The following IQCM variants were observed in gnomAD, a reference collection of about 807,000 sequenced individuals.
IQCM encodes the protein IQ motif containing M, also known as IQ domain-containing protein M.
Under a neutral mutation model 57.6 loss-of-function variants are expected in IQCM, and 45 were observed. That is an observed-to-expected ratio of 0.78 (90% CI 0.62 to 1.00). IQCM has a LOEUF of 1.00. Ranked by LOEUF, IQCM falls within the 50% of genes least tolerant of loss-of-function variation. The probability of loss-of-function intolerance (pLI) is 0.00; values close to 1 mark genes in which losing one functional copy is unlikely to be tolerated. For missense variants in IQCM, 468 were observed against 511.6 expected, an observed-to-expected ratio of 0.91 and a Z score of 0.82; for synonymous variants, 148 against 158.9, an observed-to-expected ratio of 0.93 and a Z score of 0.51.
intron 7 of IQCM, among the ~76,000 whole-genome samples, chr4:149,626,392 C>CATATATATATATATATATATATAT (rs371051488): frequency 0.044 from 5,193 of 119,292 alleles, 342 homozygotes; most frequent in East Asian, 0.13. Flanking sequence ...ACTTAATAAA[C>CATATATATATATATATATATATAT]ATATATATAT....
chr4:149,535,239 C>G (rs1261947166), intron 12 of IQCM, among the ~76,000 whole-genome samples: 1 of 151,944 alleles, frequency 6.6e-6, no homozygotes, highest in African/African-American at 2.4e-5. Flanking sequence ...TAAAAATATC[C>G]TTAATACTAT....
rs1377465377 is a variant in IQCM at position 149,661,018 on chromosome 4, TA to T, written c.565+21099del. ...TAAAACAAAAATAAAAAACTAAAAA[TA>T]AAAAAATAAAGATAAATGGGTATCT... On this transcript the variant is annotated intron_variant, in intron 7 of 13. Transcript: ENST00000636793. Among the ~76,000 whole-genome samples the T allele has an allele frequency of 2.6e-5, 4 of 151,996 alleles. No individual in the cohort carries two copies. In the East Asian group the frequency reaches 7.7e-4, roughly 29 times the overall value.
At chr4:149,459,284 C>G (rs1249843987) in intron 12 of IQCM, among the ~76,000 whole-genome samples, 1 of 152,226 alleles carries the variant, frequency 6.6e-6, no homozygotes, top group African/African-American at 2.4e-5. Context: ...AGATGTGTCT[C>G]TCAGCCATTC....
At chr4:149,595,605 G>T (rs1340517339) in intron 8 of IQCM, among the ~76,000 whole-genome samples, 1 of 152,098 alleles carries the variant, frequency 6.6e-6, no homozygotes, top group Non-Finnish European at 1.5e-5. Context: ...TGAAATAGCA[G>T]TGGGCTGCAT....
chr4:149,468,955 C>A (rs1275090512), intron 12 of IQCM, among the ~76,000 whole-genome samples: 2 of 152,126 alleles, frequency 1.3e-5, no homozygotes, highest in Non-Finnish European at 1.5e-5. Context: ...AGGACATCCA[C>A]ACCAAAACCC....
chr4:149,596,435 T>C (rs1014145154), intron 8 of IQCM, among the ~76,000 whole-genome samples: 4 of 152,146 alleles, frequency 2.6e-5, no homozygotes, highest in African/African-American at 4.8e-5. Context: ...TATGGCAATT[T>C]CTGACAGCTT....
chr4:149,388,942 A>T (rs760980821), intron 13 of IQCM, among the ~76,000 whole-genome samples: 19 of 150,464 alleles, frequency 1.3e-4, no homozygotes, highest in Non-Finnish European at 2.7e-4. Flanking sequence ...TTGTCTTTTA[A>T]CTTTCTTGAT....
intron 7 of IQCM, among the ~76,000 whole-genome samples, chr4:149,676,722 AT>A (rs1253481817): frequency 6.6e-6 from 1 of 152,000 alleles, no homozygotes; most frequent in Non-Finnish European, 1.5e-5. Flanking sequence ...TAGATAGATA[AT>A]TTTTTAAGCA....
At chr4:149,371,168 G>A (rs573067829) in intron 13 of IQCM, among the ~76,000 whole-genome samples, 22 of 152,124 alleles carry the variant, frequency 1.4e-4, no homozygotes, top group African/African-American at 5.3e-4. Flanking sequence ...GTGTTTATAG[G>A]GTAAATATGC....
At chr4:149,452,846 G>A (rs1389779568) in intron 12 of IQCM, among the ~76,000 whole-genome samples, 1 of 151,104 alleles carries the variant, frequency 6.6e-6, no homozygotes, top group Non-Finnish European at 1.5e-5. Flanking sequence ...TTATTCTCTA[G>A]CAAAGTTTAA....
chr4:149,717,418 T>C (rs1765094848), intron 5 of IQCM, among the ~76,000 whole-genome samples: 1 of 152,206 alleles, frequency 6.6e-6, no homozygotes, highest in Non-Finnish European at 1.5e-5. Context: ...TATTCTGTGT[T>C]GTGGTTAGCA....
chr4:149,664,693 A>G (rs1283107027), intron 7 of IQCM, among the ~76,000 whole-genome samples: 1 of 152,158 alleles, frequency 6.6e-6, no homozygotes, highest in Non-Finnish European at 1.5e-5. Context: ...TAACGGATCA[A>G]CAGTTTGTGC....
intron 7 of IQCM, among the ~76,000 whole-genome samples, chr4:149,656,022 G>A (rs1759605356): frequency 6.6e-6 from 1 of 152,086 alleles, no homozygotes; most frequent in Non-Finnish European, 1.5e-5. Context: ...CAAAGGCATG[G>A]AATCACAAGC....
chr4:149,437,285 G>A (rs1313477118), intron 12 of IQCM, among the ~76,000 whole-genome samples: 1 of 152,036 alleles, frequency 6.6e-6, no homozygotes, highest in Non-Finnish European at 1.5e-5. Context: ...GTACTCTGCT[G>A]GTCAGCCCTC....
chr4:149,606,251 C>G (rs1754770070), intron 8 of IQCM, among the ~76,000 whole-genome samples: 1 of 152,106 alleles, frequency 6.6e-6, no homozygotes, highest in Admixed American at 6.6e-5. Flanking sequence ...GAGAGAGACT[C>G]CTTCTGTTTG....
In IQCM at chr4:149,550,237, G is replaced by A. The variant is rs536432915; in HGVS notation, c.1094-1648C>T. On this transcript the variant is annotated intron_variant, in intron 11 of 13. Coordinates refer to ENST00000636793, the MANE Select transcript of IQCM (RefSeq NM_001363507.2). ...ACTGTTTTTTCTCAGTTCCCTAGAG[G>A]GATTAAGCTTCAGTTGTCCAGGTAG... 3.3e-5 allele frequency among the ~76,000 whole-genome samples: 5 copies of A among 152,182 alleles called. No homozygotes were observed. The East Asian group carries it at 9.7e-4, about 29-fold the overall frequency.
At chr4:149,423,005 G>A (rs989764259) in intron 13 of IQCM, among the ~76,000 whole-genome samples, 1 of 151,986 alleles carries the variant, frequency 6.6e-6, no homozygotes, top group African/African-American at 2.4e-5. Flanking sequence ...GTTGATCACT[G>A]TATGATGAAA....
At chr4:149,657,123 T>C (rs1055425956) in intron 7 of IQCM, among the ~76,000 whole-genome samples, 1 of 152,142 alleles carries the variant, frequency 6.6e-6, no homozygotes, top group African/African-American at 2.4e-5. Flanking sequence ...TCCTATCTCA[T>C]TGTAACTTTG....
At chr4:149,612,559 A>C (rs1184168203) in intron 8 of IQCM, among the ~76,000 whole-genome samples, 2 of 152,096 alleles carry the variant, frequency 1.3e-5, no homozygotes, top group East Asian at 3.9e-4. Context: ...ACTTGTACTA[A>C]AAGTAGCAAA....
Sources: allele counts gnomAD v4.1 joint callset (sites outside exome capture counted in the v4.1 genomes callset), GRCh38; gene constraint gnomAD v4.1.1; transcripts MANE v1.5; gene names NCBI Gene and HGNC (gene_info 2026-07-23, HGNC 2026-07-21).